Variants in CFAP92 observed in about 807,000 individuals in gnomAD.
The protein encoded by CFAP92 is cilia and flagella associated protein 92 (putative), also known as uncharacterized protein CFAP92.
A neutral mutation model predicts 106.3 loss-of-function variants in CFAP92; 86 were observed. The observed-to-expected ratio is 0.81, with a 90% CI of 0.68 to 0.97. CFAP92 has a LOEUF of 0.97. CFAP92 is among the 50% of genes least tolerant of loss of function. The pLI, the probability that CFAP92 is intolerant of heterozygous loss-of-function variation, is 0.00. For synonymous variants in CFAP92, 477 were observed against 506.4 expected (o/e 0.94, Z 0.78); for missense variants, 1,204 against 1,283.8 (o/e 0.94, Z 0.95).
intron 15 of CFAP92, chr3:128,912,551 C>T (rs779854533): frequency 1.2e-6 from 2 of 1,614,172 alleles, no homozygotes; most frequent in South Asian, 2.2e-5. Flanking sequence ...AGTGTCCCAG[C>T]AGATCCTTGA....
intron 7 of CFAP92, among the ~76,000 whole-genome samples, chr3:128,975,327 G>C (rs146163077): frequency 1.6e-4 from 24 of 152,212 alleles, no homozygotes; most frequent in Non-Finnish European, 3.2e-4. Context: ...ACAACACCAT[G>C]GGTCAAAAAT....
chr3:128,945,855 C>A lies in CFAP92; in HGVS notation c.1474G>T (p.Ala492Ser). ...FQDINVIFLG[A>S]LHPSDLREYL... ...TCCCTTAGGTCACTGGGGTGCAGTGCCCCAAGGAAGATGACGTTGATGTCC... is the reference window on the plus strand; with the variant it reads ...TCCCTTAGGTCACTGGGGTGCAGTGACCCAAGGAAGATGACGTTGATGTCC... The change falls in exon 10 of 16, where the codon GCA becomes TCA. Residue 492 changes from alanine (A) to serine (S), a missense_variant. Physicochemically the swap from Ala to Ser is moderately conservative, Grantham distance 99 (BLOSUM62 1). Coordinates refer to ENST00000645291, the MANE Select transcript of CFAP92 (RefSeq NM_001394090.1). 1.3e-6 allele frequency: 2 copies of A among 1,493,886 alleles called. No individual in the cohort carries two copies. The highest frequency in any genetic ancestry group is 1.8e-6 in the Non-Finnish European group (2 of 1,129,382). 92.5% of individuals were successfully genotyped at this position (1,493,886 alleles called of 1,614,324 possible). A position where few individuals can be genotyped will look rare whatever the true frequency, so the allele number is the denominator to read the frequency against.
chr3:129,001,088 C>A (rs941899703), intron 1 of CFAP92, among the ~76,000 whole-genome samples: 2 of 152,236 alleles, frequency 1.3e-5, no homozygotes, highest in South Asian at 2.1e-4. Flanking sequence ...AGGCAACCCT[C>A]GAAAGGCCTT....
At chr3:128,950,018 C>G (rs1042045958) in intron 9 of CFAP92, among the ~76,000 whole-genome samples, 7 of 152,042 alleles carry the variant, frequency 4.6e-5, no homozygotes, top group East Asian at 1.9e-4. Flanking sequence ...ATTTATAGAC[C>G]TATAAACCAA....
chr3:128,939,979 T>G (rs1939468994), intron 10 of CFAP92, among the ~76,000 whole-genome samples: 1 of 152,184 alleles, frequency 6.6e-6, no homozygotes, highest in African/African-American at 2.4e-5. Flanking sequence ...GGCCTAGGGG[T>G]TGGAGACGCC....
chr3:128,943,832 TG>T (rs1199672919), intron 10 of CFAP92, among the ~76,000 whole-genome samples: 1 of 151,974 alleles, frequency 6.6e-6, no homozygotes, highest in Non-Finnish European at 1.5e-5. Context: ...CCACCGTGCC[TG>T]GCTTTCATTT....
At chr3:128,993,444 C>T in intron 1 of CFAP92, 108 bp from the exon 2 acceptor site, 6 of 1,194,596 alleles carry the variant, frequency 5.0e-6, no homozygotes, top group South Asian at 3.0e-5. Context: ...CTGCTTCCCC[C>T]GCCTGCTCCT....
chr3:129,001,758 G>T, intron 1 of CFAP92: 2 of 1,541,806 alleles, frequency 1.3e-6, no homozygotes, highest in Non-Finnish European at 1.7e-6. Flanking sequence ...GGACCGCGGC[G>T]TGGAGAACGA....
At chr3:128,911,427 G>T (rs1936305356) in intron 15 of CFAP92, among the ~76,000 whole-genome samples, 1 of 152,092 alleles carries the variant, frequency 6.6e-6, no homozygotes, top group Admixed American at 6.5e-5. Context: ...TGCCCAGCAT[G>T]CCTGGCTGTA....
intron 1 of CFAP92, chr3:129,001,834 G>C: frequency 6.5e-7 from 1 of 1,545,598 alleles, no homozygotes; most frequent in African/African-American, 1.4e-5. Context: ...CTGGACTGCC[G>C]CGGCGCCGGC....
At chr3:128,982,627 G>A (rs1463398128) in intron 4 of CFAP92, among the ~76,000 whole-genome samples, 1 of 152,182 alleles carries the variant, frequency 6.6e-6, no homozygotes, top group Non-Finnish European at 1.5e-5. Context: ...GCTTTTCGAT[G>A]TGGCTTCCTC....
At chr3:129,008,986 T>C in the CFAP92 span, among the ~76,000 whole-genome samples, 1 of 131,182 alleles carries the variant, frequency 7.6e-6, no homozygotes, top group Non-Finnish European at 1.6e-5. Context: ...TTATGCATAG[T>C]AGACATTACT....
intron 12 of CFAP92, among the ~76,000 whole-genome samples, chr3:128,917,142 T>G (rs974718448): frequency 6.6e-6 from 1 of 152,198 alleles, no homozygotes; most frequent in Non-Finnish European, 1.5e-5. Context: ...GTCCTCAGAC[T>G]TTGGAGCACC....
intron 9 of CFAP92, among the ~76,000 whole-genome samples, chr3:128,948,086 TAA>T (rs922258737): frequency 3.3e-5 from 5 of 151,980 alleles, no homozygotes; most frequent in African/African-American, 1.2e-4. Context: ...GGGTTAAAAA[TAA>T]AAGAGAATGA....
chr3:128,984,921 A>G (rs1210774177), intron 4 of CFAP92, among the ~76,000 whole-genome samples: 1 of 152,232 alleles, frequency 6.6e-6, no homozygotes, highest in Non-Finnish European at 1.5e-5. Context: ...AAATCTTTTT[A>G]CGTGAGAAAA....
chr3:129,001,220 CG>C (rs991136848), intron 1 of CFAP92, among the ~76,000 whole-genome samples: 7 of 152,322 alleles, frequency 4.6e-5, no homozygotes, highest in Non-Finnish European at 1.0e-4. Context: ...GCCCAGGTCT[CG>C]GAGCGAACTC....
chr3:129,019,021 C>T, the CFAP92 span, among the ~76,000 whole-genome samples: 1 of 152,226 alleles, frequency 6.6e-6, no homozygotes, highest in Admixed American at 6.5e-5. Flanking sequence ...CGTGTCCTCC[C>T]CCACACCACC....
chr3:128,963,180 T>C (rs1034308679), intron 9 of CFAP92, among the ~76,000 whole-genome samples: 6 of 152,334 alleles, frequency 3.9e-5, no homozygotes, highest in South Asian at 2.1e-4. Context: ...TGATCGTGTC[T>C]GATTAATCTC....
At chr3:128,923,276 C>T (rs957557951) in intron 12 of CFAP92, among the ~76,000 whole-genome samples, 5 of 152,136 alleles carry the variant, frequency 3.3e-5, no homozygotes, top group South Asian at 2.1e-4. Context: ...AATCTGAATG[C>T]GAAGATGGAA....
Sources: gnomAD v4.1 joint callset for allele counts (sites outside exome capture counted in the v4.1 genomes callset) on GRCh38, gnomAD v4.1.1 for gene constraint, MANE v1.5 for transcripts, NCBI Gene and HGNC (gene_info 2026-07-23, HGNC 2026-07-21) for gene names.